NFKB1: variants seen among roughly 807,000 people sequenced by gnomAD.
NFKB1 encodes the protein nuclear factor NF-kappa-B p105 subunit.
NFKB1 carries 9 observed loss-of-function variants against 105.1 expected under a neutral mutation model. The observed-to-expected ratio is 0.09, with a 90% confidence interval of 0.05 to 0.15. NFKB1 has a LOEUF of 0.15. Ranked by LOEUF, NFKB1 falls within the 10% of genes least tolerant of loss-of-function variation. The probability of loss-of-function intolerance (pLI) is 1.00; values close to 1 mark genes in which losing one functional copy is unlikely to be tolerated. For missense variants in NFKB1, 830 were observed against 1,203.7 expected, an observed-to-expected ratio of 0.69 and a Z score of 4.59; for synonymous variants, 440 against 442.2, an observed-to-expected ratio of 1.00 and a Z score of 0.06.
At chr4:102,504,366 T>C (rs962856598) in intron 1 of NFKB1, among the ~76,000 whole-genome samples, 2 of 152,182 alleles carry the variant, frequency 1.3e-5, no homozygotes, top group Non-Finnish European at 2.9e-5. Context: ...AGAAATCACA[T>C]TAACAGGAAT....
intron 1 of NFKB1, among the ~76,000 whole-genome samples, chr4:102,502,390 GCA>G (rs754187388): frequency 0.3 from 31,079 of 104,444 alleles, 5,613 homozygotes; most frequent in South Asian, 0.39. Flanking sequence ...GCGCGCGCGC[GCA>G]CACACACACA....
chr4:102,560,113 A>G (rs955223372), intron 5 of NFKB1, among the ~76,000 whole-genome samples: 2 of 152,104 alleles, frequency 1.3e-5, no homozygotes, highest in Non-Finnish European at 2.9e-5. Context: ...TGCTCCTCCC[A>G]TATTATTTTG....
At chr4:102,561,666 C>T (rs1723456803) in intron 5 of NFKB1, among the ~76,000 whole-genome samples, 2 of 152,152 alleles carry the variant, frequency 1.3e-5, no homozygotes, top group Non-Finnish European at 2.9e-5. Flanking sequence ...TTATAGGAAC[C>T]ATGGCAACCT....
intron 10 of NFKB1, 119 bp downstream of exon 10, chr4:102,583,076 C>G: frequency 3.3e-6 from 2 of 600,684 alleles, no homozygotes; most frequent in African/African-American, 1.8e-5. Flanking sequence ...AACTGTTGGG[C>G]TTGAGGGATC....
In NFKB1 at chr4:102,509,987, C is replaced by A. The variant is rs577443344; in HGVS notation, c.-8+8199C>A. On this transcript the variant is annotated intron_variant, in intron 1 of 23. Transcript: ENST00000226574. Reference sequence around the variant, plus strand: ...CCTTACTCCCTCCGGTGTTCCCCAACCATCCCCTAATCTCAAATCCTCCAC... The same window carrying A: ...CCTTACTCCCTCCGGTGTTCCCCAAACATCCCCTAATCTCAAATCCTCCAC... Among the ~76,000 whole-genome samples, 8 of 152,272 alleles carry A rather than the reference C, an allele frequency of 5.3e-5. No individual in the cohort carries two copies. In the South Asian group the frequency reaches 6.2e-4, roughly 12 times the overall value.
At chr4:102,542,117 A>G (rs898325251) in intron 5 of NFKB1, among the ~76,000 whole-genome samples, 1 of 152,176 alleles carries the variant, frequency 6.6e-6, no homozygotes, top group Non-Finnish European at 1.5e-5. Context: ...GATGCCTTAC[A>G]TTAAATCATT....
chr4:102,537,896 C>A lies in NFKB1; in HGVS notation c.198C>A (p.Ser66=), dbSNP rs1394947379. 1.2e-6 allele frequency: 2 copies of A among 1,612,454 alleles called. No homozygotes were observed. Among genetic ancestry groups the A allele is most frequent in the Admixed American group, 3.3e-5 (2 of 59,964 alleles). The change falls in exon 5 of 24, where the codon TCC becomes TCA. Residue 66 remains serine (S), a synonymous_variant. Coordinates refer to ENST00000226574, the MANE Select transcript of NFKB1 (RefSeq NM_003998.4). ...FRFRYVCEGP[S]HGGLPGASSE... Reference sequence around the variant, plus strand: ...TCCGTTATGTATGTGAAGGCCCATCCCATGGTGGACTACCTGGTGCCTCTA... The same window carrying A: ...TCCGTTATGTATGTGAAGGCCCATCACATGGTGGACTACCTGGTGCCTCTA...
At chr4:102,552,454 A>G (rs1436604642) in intron 5 of NFKB1, among the ~76,000 whole-genome samples, 1 of 152,190 alleles carries the variant, frequency 6.6e-6, no homozygotes, top group East Asian at 1.9e-4. Flanking sequence ...AAGTGAGTTC[A>G]TTGTCACTGA....
chr4:102,538,235 TC>T (rs539770652), intron 5 of NFKB1, among the ~76,000 whole-genome samples: 337 of 152,314 alleles, frequency 2.2e-3, no homozygotes, highest in African/African-American at 7.7e-3. Context: ...ATTGGATACT[TC>T]CTGAAACTTT....
intron 13 of NFKB1, 149 bp from the exon 14 acceptor site, chr4:102,595,989 A>G (rs1019019850): frequency 6.4e-6 from 3 of 467,260 alleles, no homozygotes; most frequent in Admixed American, 3.7e-5. Flanking sequence ...TTATGATATG[A>G]CCATTTTTAA....
At chr4:102,553,982 A>G (rs201010769) in intron 5 of NFKB1, among the ~76,000 whole-genome samples, 11 of 152,332 alleles carry the variant, frequency 7.2e-5, no homozygotes, top group African/African-American at 2.2e-4. Flanking sequence ...AAGTTTACCT[A>G]TAAGGTTCTT....
At chr4:102,608,159 A>C (rs1294658313) in intron 19 of NFKB1, among the ~76,000 whole-genome samples, 1 of 152,250 alleles carries the variant, frequency 6.6e-6, no homozygotes, top group South Asian at 2.1e-4. Context: ...TGAAAGAAAT[A>C]TCTCTTAGAA....
intron 4 of NFKB1, chr4:102,537,650 T>C: frequency 2.5e-6 from 1 of 407,482 alleles, no homozygotes; most frequent in Non-Finnish European, 4.5e-6. Context: ...TTTAGCCATA[T>C]CTTAGTGTAC....
intron 1 of NFKB1, among the ~76,000 whole-genome samples, chr4:102,521,015 G>C (rs1366690996): frequency 6.6e-6 from 1 of 152,054 alleles, no homozygotes; most frequent in African/African-American, 2.4e-5. Flanking sequence ...TCCAGTTACT[G>C]TATACAGATT....
intron 11 of NFKB1, among the ~76,000 whole-genome samples, chr4:102,587,671 T>C (rs1725824929): frequency 6.6e-6 from 1 of 152,048 alleles, no homozygotes; most frequent in African/African-American, 2.4e-5. Context: ...GATGAAAAGC[T>C]TCATACAATA....
intron 1 of NFKB1, among the ~76,000 whole-genome samples, chr4:102,504,834 C>T (rs1364887053): frequency 2.0e-5 from 3 of 152,076 alleles, no homozygotes; most frequent in Admixed American, 6.5e-5. Flanking sequence ...AAGGTTTGAA[C>T]GTTTTGGCAT....
chr4:102,562,062 T>C (rs1723484775), intron 5 of NFKB1, among the ~76,000 whole-genome samples: 1 of 151,844 alleles, frequency 6.6e-6, no homozygotes, highest in Non-Finnish European at 1.5e-5. Flanking sequence ...AACCTGGGAG[T>C]TGTCAGCTTG....
chr4:102,525,616 G>T, intron 2 of NFKB1, 59 bp downstream of exon 2: 1 of 1,456,504 alleles, frequency 6.9e-7, no homozygotes, highest in Non-Finnish European at 9.4e-7. Context: ...TCAAAAATAT[G>T]CAAAGGCAAC....
intron 5 of NFKB1, among the ~76,000 whole-genome samples, chr4:102,552,378 G>A (rs1215161634): frequency 3.9e-5 from 6 of 152,138 alleles, no homozygotes; most frequent in South Asian, 2.1e-4. Flanking sequence ...AGCCCCAGGC[G>A]ATAGAGGTTT....
Sources: gnomAD v4.1 joint callset for allele counts (sites outside exome capture counted in the v4.1 genomes callset) on GRCh38, gnomAD v4.1.1 for gene constraint, MANE v1.5 for transcripts, NCBI Gene and HGNC (gene_info 2026-07-23, HGNC 2026-07-21) for gene names.